Variants in TMEM74 observed in about 807,000 individuals in gnomAD.
TMEM74 encodes the protein transmembrane protein 74.
TMEM74 carries 13 observed loss-of-function variants against 18.1 expected under a neutral mutation model. The ratio of observed to expected loss-of-function variants is 0.72; its 90% CI spans 0.47 to 1.14. The LOEUF is 1.14. Ranked by LOEUF, TMEM74 falls within the 50% of genes most tolerant of loss-of-function variation. The pLI, the probability that TMEM74 is intolerant of heterozygous loss-of-function variation, is 0.00. For synonymous variants in TMEM74, 159 were observed against 146.6 expected (o/e 1.08, Z -0.61); for missense variants, 372 against 375.9 (o/e 0.99, Z 0.09).
chr8:108,652,549 A>G (rs1812785060), intron 2 of TMEM74: 4 of 556,438 alleles, frequency 7.2e-6, no homozygotes, highest in Non-Finnish European at 1.3e-5. Flanking sequence ...TTCTCAAACA[A>G]TTTGGTTTTC....
chr8:108,768,443 A>G (rs932494033), intron 1 of TMEM74, among the ~76,000 whole-genome samples: 2 of 152,158 alleles, frequency 1.3e-5, no homozygotes, highest in African/African-American at 2.4e-5. Context: ...TCTTTCTAAC[A>G]TTAAAATCTG....
At chr8:108,642,220 GA>G (rs1254845990) in intron 2 of TMEM74, among the ~76,000 whole-genome samples, 1 of 151,938 alleles carries the variant, frequency 6.6e-6, no homozygotes, top group Non-Finnish European at 1.5e-5. Flanking sequence ...GCAACACGGT[GA>G]AACCCTGTTT....
At chr8:108,677,706 G>A (rs912391926) in intron 1 of TMEM74, among the ~76,000 whole-genome samples, 2 of 152,078 alleles carry the variant, frequency 1.3e-5, no homozygotes, top group African/African-American at 4.8e-5. Flanking sequence ...AGTAATGACA[G>A]TTATTCTGAC....
chr8:108,708,175 C>T (rs1813435753), intron 1 of TMEM74, among the ~76,000 whole-genome samples: 1 of 151,952 alleles, frequency 6.6e-6, no homozygotes, highest in Non-Finnish European at 1.5e-5. Flanking sequence ...TGGCTTCCAG[C>T]TCCACTCATG....
chr8:108,685,979 T>A (rs1231446954), intron 1 of TMEM74, among the ~76,000 whole-genome samples: 3 of 152,080 alleles, frequency 2.0e-5, no homozygotes, highest in African/African-American at 7.2e-5. Flanking sequence ...AAAGCCTGAA[T>A]AAAAGCTTTA....
intron 2 of TMEM74, among the ~76,000 whole-genome samples, chr8:108,631,200 G>A (rs1812549192): frequency 6.6e-6 from 1 of 151,950 alleles, no homozygotes; most frequent in Non-Finnish European, 1.5e-5. Flanking sequence ...AGGACGTGAG[G>A]TACTTTGCTA....
intron 1 of TMEM74, among the ~76,000 whole-genome samples, chr8:108,757,599 A>C (rs970832959): frequency 3.3e-5 from 5 of 152,028 alleles, no homozygotes; most frequent in African/African-American, 1.2e-4. Flanking sequence ...GCTGATATAA[A>C]TTGCCTCTCT....
chr8:108,782,709 C>T lies in TMEM74; in HGVS notation c.*1472G>A, dbSNP rs1447483940. 1.3e-5 allele frequency among the ~76,000 whole-genome samples: 2 copies of T among 152,200 alleles called. No individual in the cohort carries two copies. Among genetic ancestry groups the T allele is most frequent in the Non-Finnish European group, 2.9e-5 (2 of 68,042 alleles). On this transcript the variant is annotated 3_prime_UTR_variant, in exon 2 of 2. Coordinates refer to ENST00000297459, the MANE Select transcript of TMEM74 (RefSeq NM_153015.3). ...GAAATCACTTTCTTACTTCCTCATTCCTGCTGTCTCATACCAATTCCCAGC... is the reference window on the plus strand; with the variant it reads ...GAAATCACTTTCTTACTTCCTCATTTCTGCTGTCTCATACCAATTCCCAGC...
chr8:108,669,929 G>A (rs1361723221), intron 1 of TMEM74, among the ~76,000 whole-genome samples: 1 of 151,374 alleles, frequency 6.6e-6, no homozygotes, highest in Non-Finnish European at 1.5e-5. Flanking sequence ...TCCCAGGTAT[G>A]GGGGAGGCTG....
intron 2 of TMEM74, among the ~76,000 whole-genome samples, chr8:108,617,567 T>C (rs1312600634): frequency 1.3e-5 from 2 of 152,034 alleles, no homozygotes; most frequent in Non-Finnish European, 2.9e-5. Context: ...GGCTTCTTGG[T>C]TTTATAGGGA....
At chr8:108,610,480 G>C (rs1360972596) in intron 2 of TMEM74, among the ~76,000 whole-genome samples, 3 of 152,176 alleles carry the variant, frequency 2.0e-5, no homozygotes, top group African/African-American at 7.2e-5. Flanking sequence ...AAATAAAATA[G>C]CTTGTATAAT....
chr8:108,671,206 A>G (rs1343617546), intron 1 of TMEM74, among the ~76,000 whole-genome samples: 2 of 152,208 alleles, frequency 1.3e-5, no homozygotes, highest in South Asian at 4.1e-4. Context: ...GTGTTTGACT[A>G]GGAGTTATCC....
chr8:108,640,353 ACCTG>A (rs1479794855), intron 2 of TMEM74, among the ~76,000 whole-genome samples: 2 of 151,764 alleles, frequency 1.3e-5, no homozygotes, highest in East Asian at 1.9e-4. Flanking sequence ...ACCTCAAGTG[ACCTG>A]CCTGCCTCGG....
intron 1 of TMEM74, among the ~76,000 whole-genome samples, chr8:108,702,936 A>AAG (rs1813351962): frequency 6.6e-6 from 1 of 152,012 alleles, no homozygotes; most frequent in Admixed American, 6.6e-5. Context: ...TTAAAAAAAA[A>AAG]AAAAGAAGCA....
chr8:108,678,886 A>T (rs1813083566), intron 1 of TMEM74, among the ~76,000 whole-genome samples: 1 of 143,016 alleles, frequency 7.0e-6, no homozygotes, highest in African/African-American at 2.6e-5. Context: ...TCCTAATGCC[A>T]TCCTCCCCCC....
At chr8:108,785,705 A>T (rs1814376641) in intron 1 of TMEM74, among the ~76,000 whole-genome samples, 1 of 152,168 alleles carries the variant, frequency 6.6e-6, no homozygotes, top group Admixed American at 6.5e-5. Context: ...CAGCATTTTG[A>T]TTCCATAGCT....
At chr8:108,690,273 C>G (rs1274852327) in intron 1 of TMEM74, among the ~76,000 whole-genome samples, 2 of 152,154 alleles carry the variant, frequency 1.3e-5, no homozygotes, top group East Asian at 3.9e-4. Flanking sequence ...TTTCTATAAA[C>G]AGAATCCAGC....
At chr8:108,630,544 T>C (rs1324512346) in intron 2 of TMEM74, among the ~76,000 whole-genome samples, 1 of 151,960 alleles carries the variant, frequency 6.6e-6, no homozygotes, top group African/African-American at 2.4e-5. Flanking sequence ...CAGCACTACA[T>C]AGCACTTATT....
chr8:108,658,499 T>C lies in TMEM74; in HGVS notation n.120-3062A>G, dbSNP rs182711249. ...AGAAAACTGGGATACTCTTACCCAA[T>C]TTAGAAGAAAATAATTCCAGACTGG... On this transcript the variant is annotated intron_variant and non_coding_transcript_variant, in intron 1 of 3. Coordinates refer to the TMEM74 transcript ENST00000518838. 4.6e-5 allele frequency among the ~76,000 whole-genome samples: 7 copies of C among 152,234 alleles called. No homozygotes were observed. In the East Asian group the frequency reaches 1.4e-3, roughly 29 times the overall value.
Sources: gnomAD v4.1 joint callset for allele counts (sites outside exome capture counted in the v4.1 genomes callset) on GRCh38, gnomAD v4.1.1 for gene constraint, MANE v1.5 for transcripts, NCBI Gene and HGNC (gene_info 2026-07-23, HGNC 2026-07-21) for gene names.